TMED2: variants seen among roughly 807,000 people sequenced by gnomAD.
The protein encoded by TMED2 is transmembrane emp24 domain-containing protein 2.
Under a neutral mutation model 17.5 loss-of-function variants are expected in TMED2, and 3 were observed. The observed-to-expected ratio is 0.17, with a 90% CI of 0.08 to 0.44. TMED2 has a LOEUF of 0.44. Ranked by LOEUF, TMED2 falls within the 20% of genes least tolerant of loss-of-function variation. The pLI, the probability that TMED2 is intolerant of heterozygous loss-of-function variation, is 0.99. For missense variants in TMED2, 149 were observed against 254.8 expected (o/e 0.58, Z 2.83); for synonymous variants, 95 against 91.0 (o/e 1.04, Z -0.25).
chr12:123,585,214 G>A (rs1886318468), intron 1 of TMED2: 2 of 181,248 alleles, frequency 1.1e-5, no homozygotes, highest in Non-Finnish European at 2.4e-5. Flanking sequence ...CTTCTTTCGT[G>A]TTACGGATTA....
intron 2 of TMED2, among the ~76,000 whole-genome samples, chr12:123,588,958 T>C (rs923267909): frequency 1.1e-4 from 17 of 152,142 alleles, no homozygotes; most frequent in African/African-American, 4.1e-4. Flanking sequence ...CCTTGGTTTC[T>C]CCTAAGAAAC....
At position 123,584,759 on chromosome 12, in the gene TMED2, C is replaced by A. The variant is rs1464432715; in HGVS notation, c.123C>A (p.Thr41=). The change falls in exon 1 of 4, where the codon ACC becomes ACA. Residue 41 remains threonine, a synonymous_variant. Coordinates refer to ENST00000262225, the MANE Select transcript of TMED2 (RefSeq NM_006815.4). ...TCTTTGAGCGGGTCACCTCGGGCACCAAGATGGGCCTCATCTTCGAGGTGG... is the reference window on the plus strand; with the variant it reads ...TCTTTGAGCGGGTCACCTCGGGCACAAAGATGGGCCTCATCTTCGAGGTGG... ...ECFFERVTSG[T]KMGLIFEVAE... is the part of the protein sequence containing the mutation. 6.2e-7 allele frequency: 1 copy of A among 1,613,564 alleles called. No homozygotes were observed. The highest frequency in any genetic ancestry group is 1.1e-5 in the South Asian group (1 of 91,088).
chr12:123,592,355 T>G (rs1171116247), intron 3 of TMED2, among the ~76,000 whole-genome samples: 1 of 152,232 alleles, frequency 6.6e-6, no homozygotes, highest in Non-Finnish European at 1.5e-5. Flanking sequence ...GAGGGCAAGT[T>G]CCTCTACTTT....
In TMED2 at chr12:123,584,560, A is replaced by T; in HGVS notation, c.-77A>T. On this transcript the variant is annotated 5_prime_UTR_variant, in exon 1 of 4. Coordinates refer to ENST00000262225, the MANE Select transcript of TMED2 (RefSeq NM_006815.4). The stretch of plus-strand genomic sequence containing the variant: ...CTTAGGCGGCGGTGGCTGAGAAGGC[A>T]GCGGGGCGGCGGCGGCGGCGGCGGC... 3 of 1,446,728 alleles carry T rather than the reference A, an allele frequency of 2.1e-6. No individual in the cohort carries two copies. Among genetic ancestry groups the T allele is most frequent in the Non-Finnish European group, 2.7e-6 (3 of 1,097,874 alleles). 89.6% of individuals were successfully genotyped at this position (1,446,728 alleles called of 1,614,324 possible).
chr12:123,594,135 G>T (rs1226435010), intron 3 of TMED2, among the ~76,000 whole-genome samples: 3 of 105,556 alleles, frequency 2.8e-5, no homozygotes, highest in Non-Finnish European at 5.9e-5. Context: ...ACACTACATA[G>T]AATTTTTTTT....
In TMED2 at chr12:123,584,633, C is replaced by T; in HGVS notation, c.-4C>T. On this transcript the variant is annotated 5_prime_UTR_variant, in exon 1 of 4. Coordinates refer to ENST00000262225, the MANE Select transcript of TMED2 (RefSeq NM_006815.4). Reference sequence around the variant, plus strand: ...CGGGTCCTGGCTTCGGCCTCAGCCCCACCATGGTGACGCTTGCTGAACTGC... The same window carrying T: ...CGGGTCCTGGCTTCGGCCTCAGCCCTACCATGGTGACGCTTGCTGAACTGC... 1 of 1,609,798 alleles carries T rather than the reference C, an allele frequency of 6.2e-7. No homozygotes were observed. The highest frequency in any genetic ancestry group is 8.5e-7 in the Non-Finnish European group (1 of 1,179,468).
rs567109661 is a variant in TMED2 at position 123,584,629 on chromosome 12, G to T, written c.-8G>T. ...AGTCCGGGTCCTGGCTTCGGCCTCAGCCCCACCATGGTGACGCTTGCTGAA... is the reference window on the plus strand; with the variant it reads ...AGTCCGGGTCCTGGCTTCGGCCTCATCCCCACCATGGTGACGCTTGCTGAA... On this transcript the variant is annotated 5_prime_UTR_variant, in exon 1 of 4. Coordinates refer to ENST00000262225, the MANE Select transcript of TMED2 (RefSeq NM_006815.4). The T allele has an allele frequency of 3.7e-6, 6 of 1,608,504 alleles. No homozygotes were observed. In the South Asian group the frequency reaches 4.4e-5, roughly 12 times the overall value.
intron 3 of TMED2, among the ~76,000 whole-genome samples, chr12:123,593,206 G>A (rs1488105050): frequency 6.6e-6 from 1 of 152,040 alleles, no homozygotes; most frequent in African/African-American, 2.4e-5. Context: ...GGGATTACAG[G>A]CCTGAGCCAC....
intron 3 of TMED2, among the ~76,000 whole-genome samples, chr12:123,592,758 C>T (rs1953402598): frequency 6.6e-6 from 1 of 152,150 alleles, no homozygotes; most frequent in Non-Finnish European, 1.5e-5. Flanking sequence ...GACAGTGTCC[C>T]AGGTCACTAC....
At position 123,596,865 on chromosome 12, in the gene TMED2, T is replaced by C. The variant is rs1953434608; in HGVS notation, c.*136T>C. On this transcript the variant is annotated 3_prime_UTR_variant, in exon 4 of 4. Coordinates refer to ENST00000262225, the MANE Select transcript of TMED2 (RefSeq NM_006815.4). ...CTTATGTTTCTTTGAGATTAATAGATATTGGGGGAAAAACGCCTTTTTAGG... is the reference window on the plus strand; with the variant it reads ...CTTATGTTTCTTTGAGATTAATAGACATTGGGGGAAAAACGCCTTTTTAGG... 8.5e-7 allele frequency: 1 copy of C among 1,173,098 alleles called. No homozygotes were observed. The highest frequency in any genetic ancestry group is 2.5e-4 in the Middle Eastern group (1 of 3,996). 72.7% of individuals were successfully genotyped at this position (1,173,098 alleles called of 1,614,324 possible). A position where few individuals can be genotyped will look rare whatever the true frequency, so the allele number is the denominator to read the frequency against.
At position 123,597,107 on chromosome 12, in the gene TMED2, C is replaced by T. The variant is rs888982676; in HGVS notation, c.*378C>T. On this transcript the variant is annotated 3_prime_UTR_variant, in exon 4 of 4. Coordinates refer to ENST00000262225, the MANE Select transcript of TMED2 (RefSeq NM_006815.4). ...AGTACTTTACTAAAATGACTGCATT[C>T]TTTGGATTCCTTCAGTCTATGGTTC... 1.3e-5 allele frequency: 2 copies of T among 153,864 alleles called. No homozygotes were observed. Among genetic ancestry groups the T allele is most frequent in the African/African-American group, 4.8e-5 (2 of 41,446 alleles). 9.5% of individuals were successfully genotyped at this position (153,864 alleles called of 1,614,324 possible).
intron 1 of TMED2, chr12:123,585,102 C>T (rs1029637728): frequency 1.1e-5 from 4 of 361,524 alleles, no homozygotes; most frequent in Admixed American, 7.9e-5. Context: ...TGGAACCTCT[C>T]GCTGAGCTTT....
intron 3 of TMED2, among the ~76,000 whole-genome samples, chr12:123,593,500 A>C (rs1384320218): frequency 6.6e-6 from 1 of 152,248 alleles, no homozygotes. Context: ...TTTCTGATTC[A>C]GCAAAATGGA....
At chr12:123,590,971 A>G (rs895723150) in intron 3 of TMED2, among the ~76,000 whole-genome samples, 1 of 151,410 alleles carries the variant, frequency 6.6e-6, no homozygotes, top group Non-Finnish European at 1.5e-5. Context: ...CAATGGAGCT[A>G]GACTCTGTCT....
In TMED2 at chr12:123,584,647, T is replaced by C; in HGVS notation, c.11T>C (p.Leu4Pro). ...GGCCTCAGCCCCACCATGGTGACGC[T>C]TGCTGAACTGCTGGTGCTTCTGGCC... MVT[L>P]AELLVLLAAL... The change falls in exon 1 of 4, where the codon CTT becomes CCT. Residue 4 changes from leucine to proline, a missense_variant. Transcript: ENST00000262225. 1 of 1,611,480 alleles carries C rather than the reference T, an allele frequency of 6.2e-7. No homozygotes were observed. The highest frequency in any genetic ancestry group is 8.5e-7 in the Non-Finnish European group (1 of 1,179,580).
intron 3 of TMED2, 157 bp downstream of exon 3, chr12:123,590,606 C>A: frequency 2.0e-6 from 1 of 497,994 alleles, no homozygotes. Context: ...TGAGCATACA[C>A]ATGTGTGGAG....
intron 3 of TMED2, among the ~76,000 whole-genome samples, chr12:123,592,606 A>G (rs1953399883): frequency 6.6e-6 from 1 of 152,236 alleles, no homozygotes; most frequent in African/African-American, 2.4e-5. Context: ...TTACAAAGCA[A>G]ATGGTTCCCA....
chr12:123,596,496 G>C (rs1953431755), intron 3 of TMED2, 109 bp from the exon 4 acceptor site: 9 of 1,366,396 alleles, frequency 6.6e-6, no homozygotes, highest in Non-Finnish European at 8.8e-6. Context: ...TCTATGAGTG[G>C]TGTACACAAT....
At position 123,590,336 on chromosome 12, in the gene TMED2, C is replaced by A; in HGVS notation, c.374-6C>A. On this transcript the variant is annotated splice_polypyrimidine_tract_variant and splice_region_variant and intron_variant, in intron 2 of 3. Coordinates refer to ENST00000262225, the MANE Select transcript of TMED2 (RefSeq NM_006815.4). ...AAATGTGTTTTGTTTTCAAATCCTTCTATAGCTCACCAGAACAAGCTAGAA... is the reference window on the plus strand; with the variant it reads ...AAATGTGTTTTGTTTTCAAATCCTTATATAGCTCACCAGAACAAGCTAGAA... 1 of 1,570,800 alleles carries A rather than the reference C, an allele frequency of 6.4e-7. No individual in the cohort carries two copies. Among genetic ancestry groups the A allele is most frequent in the Non-Finnish European group, 8.7e-7 (1 of 1,155,050 alleles).
Sources: gnomAD v4.1 joint callset for allele counts (sites outside exome capture counted in the v4.1 genomes callset) on GRCh38, gnomAD v4.1.1 for gene constraint, MANE v1.5 for transcripts, NCBI Gene and HGNC (gene_info 2026-07-23, HGNC 2026-07-21) for gene names.